CNBP: variants seen among roughly 807,000 people sequenced by gnomAD.
CNBP encodes cellular nucleic acid-binding protein.
A neutral mutation model predicts 21.2 loss-of-function variants in CNBP; 6 were observed. That is an observed-to-expected ratio of 0.28 (90% confidence interval 0.16 to 0.56). The LOEUF is 0.56. Among genes scored for constraint, CNBP ranks in the 20% least tolerant of loss-of-function variants. The pLI is 0.93. For missense variants in CNBP, 112 were observed against 233.1 expected (o/e 0.48, Z 3.38); for synonymous variants, 61 against 74.9 (o/e 0.81, Z 0.96).
rs768953942 is a variant in CNBP at position 129,169,779 on chromosome 3, T to C, written c.*674A>G. On this transcript the variant is annotated 3_prime_UTR_variant, in exon 5 of 5. Transcript: ENST00000422453. ...GCAATTCCTGAATAGCTCCAAATTATGCTAACTCTGAGCATTGATGTTTAC... is the reference window on the plus strand; with the variant it reads ...GCAATTCCTGAATAGCTCCAAATTACGCTAACTCTGAGCATTGATGTTTAC... The C allele has an allele frequency of 4.1e-5, 9 of 221,968 alleles. No individual in the cohort carries two copies. Among genetic ancestry groups the C allele is most frequent in the African/African-American group, 2.0e-4 (9 of 44,696 alleles). The allele number at this position is 221,968 out of a possible 1,614,324, so 13.7% of individuals were successfully genotyped here.
intron 1 of CNBP, among the ~76,000 whole-genome samples, chr3:129,175,795 CTAAGTCT>C (rs1243716053): frequency 6.6e-6 from 1 of 152,174 alleles, no homozygotes; most frequent in Non-Finnish European, 1.5e-5. Flanking sequence ...AAAGAAAACA[CTAAGTCT>C]TAAAAGGGAA....
At position 129,181,649 on chromosome 3, in the gene CNBP, C is replaced by CAAAAAAAAAAAAAAAAAAAAAAAAAA. The variant is rs1367375702; in HGVS notation, c.-15+2126_-15+2127insTTTTTTTTTTTTTTTTTTTTTTTTTT. ...TGGGCGACAGAGTGAGACTCCGTCT[C>CAAAAAAAAAAAAAAAAAAAAAAAAAA]AGAAAAAAAAAAAGAAAAACCCCTG... On this transcript the variant is annotated intron_variant, in intron 1 of 4. Coordinates refer to ENST00000422453, the MANE Select transcript of CNBP (RefSeq NM_003418.5). Among the ~76,000 whole-genome samples, 10 of 72,200 alleles carry CAAAAAAAAAAAAAAAAAAAAAAAAAA rather than the reference C, an allele frequency of 1.4e-4. 4 individuals are homozygous for CAAAAAAAAAAAAAAAAAAAAAAAAAA. The highest frequency in any genetic ancestry group is 5.6e-4 in the African/African-American group (8 of 14,188). 47.4% of individuals were successfully genotyped at this position (72,200 alleles called of 152,430 possible). A position where few individuals can be genotyped will look rare whatever the true frequency, so the allele number is the denominator to read the frequency against.
chr3:129,179,112 TAC>T (rs2107645668), intron 1 of CNBP, among the ~76,000 whole-genome samples: 1 of 151,912 alleles, frequency 6.6e-6, no homozygotes, highest in East Asian at 1.9e-4. Flanking sequence ...ATCCCGTCTC[TAC>T]TAAAAACACA....
intron 4 of CNBP, among the ~76,000 whole-genome samples, chr3:129,170,817 G>GA (rs1374690928): frequency 6.6e-6 from 1 of 152,190 alleles, no homozygotes; most frequent in Non-Finnish European, 1.5e-5. Context: ...GTCTCTGGAA[G>GA]TTTCAAATTA....
In CNBP at chr3:129,168,964, C is replaced by T. The variant is rs1326883733; in HGVS notation, c.*1489G>A. Among the ~76,000 whole-genome samples the T allele has an allele frequency of 6.6e-5, 10 of 150,962 alleles. No individual in the cohort carries two copies. Among genetic ancestry groups the T allele is most frequent in the South Asian group, 2.1e-4 (1 of 4,772 alleles). On this transcript the variant is annotated 3_prime_UTR_variant, in exon 5 of 5. Transcript: ENST00000422453. Reference sequence around the variant, plus strand: ...ACAAAAAAAAAAAATTAGCTGGGCGCGGTGGCGGGTACCTGTAGCCCCAGC... The same window carrying T: ...ACAAAAAAAAAAAATTAGCTGGGCGTGGTGGCGGGTACCTGTAGCCCCAGC...
chr3:129,178,441 C>T (rs1489147859), intron 1 of CNBP, among the ~76,000 whole-genome samples: 1 of 152,052 alleles, frequency 6.6e-6, no homozygotes, highest in Non-Finnish European at 1.5e-5. Context: ...TAACTCTGTC[C>T]TAGAAAATAC....
At chr3:129,182,943 T>A (rs1169394078) in intron 1 of CNBP, among the ~76,000 whole-genome samples, 1 of 1,804 alleles carries the variant, frequency 5.5e-4, no homozygotes, top group Non-Finnish European at 1.5e-3. Context: ...TTTGTTGTTG[T>A]TTGTTTGTTT....
In CNBP at chr3:129,171,860, T is replaced by C. The variant is rs1937575329; in HGVS notation, c.-14-89A>G. 4 of 1,385,046 alleles carry C rather than the reference T, an allele frequency of 2.9e-6. No individual in the cohort carries two copies. The South Asian group carries it at 5.7e-5, about 20-fold the overall frequency. The allele number at this position is 1,385,046 out of a possible 1,614,324, so 85.8% of individuals were successfully genotyped here. On this transcript the variant is annotated intron_variant, in intron 1 of 4. Coordinates refer to ENST00000422453, the MANE Select transcript of CNBP (RefSeq NM_003418.5). ...TAAATGTATTTTTGGAAAATTATTC[T>C]GGGGAAAAAAGCTAGCTAATATATT...
chr3:129,179,068 G>T (rs963921575), intron 1 of CNBP, among the ~76,000 whole-genome samples: 1 of 152,072 alleles, frequency 6.6e-6, no homozygotes, highest in Admixed American at 6.6e-5. Context: ...ACCAAAGGTC[G>T]GGAGCTCAGG....
At chr3:129,177,715 C>T (rs1938009885) in intron 1 of CNBP, among the ~76,000 whole-genome samples, 2 of 152,192 alleles carry the variant, frequency 1.3e-5, no homozygotes, top group African/African-American at 4.8e-5. Context: ...CGGTGATTTC[C>T]AAATCAGTTC....
At chr3:129,172,624 C>CAGG (rs1937610931) in intron 1 of CNBP, among the ~76,000 whole-genome samples, 6 of 56,246 alleles carry the variant, frequency 1.1e-4, no homozygotes, top group Non-Finnish European at 2.4e-4. Context: ...AGACAGGCAG[C>CAGG]CAGGCAGGCA....
Position 129,169,525 on chromosome 3 carries a change from A to G in CNBP, c.*928T>C, listed in dbSNP as rs1937532466. The G allele has an allele frequency of 4.9e-6, 1 of 203,272 alleles. No individual in the cohort carries two copies. Among genetic ancestry groups the G allele is most frequent in the Admixed American group, 6.0e-5 (1 of 16,756 alleles). 12.6% of individuals were successfully genotyped at this position (203,272 alleles called of 1,614,324 possible). On this transcript the variant is annotated 3_prime_UTR_variant, in exon 5 of 5. Transcript: ENST00000422453. ...TCCCCTCTTTAATATGGTATTTTGC[A>G]CTATATACATTAATGAAAATTTGAA...
intron 1 of CNBP, 131 bp from the exon 2 acceptor site, chr3:129,171,902 G>A (rs1937576273): frequency 2.0e-6 from 2 of 1,022,980 alleles, no homozygotes; most frequent in Admixed American, 5.7e-5. Flanking sequence ...AAAAATAGCT[G>A]GGCATGGTGG....
intron 1 of CNBP, among the ~76,000 whole-genome samples, chr3:129,175,980 G>A (rs1292846667): frequency 6.6e-6 from 1 of 152,106 alleles, no homozygotes; most frequent in Admixed American, 6.6e-5. Flanking sequence ...GGTCCCTTGT[G>A]ATAGACTTGT....
intron 1 of CNBP, among the ~76,000 whole-genome samples, chr3:129,176,327 A>G: frequency 6.6e-6 from 1 of 152,136 alleles, no homozygotes; most frequent in East Asian, 1.9e-4. Context: ...GAATCTGACT[A>G]CATCTCCCAG....
chr3:129,176,478 T>A (rs1187287504), intron 1 of CNBP, among the ~76,000 whole-genome samples: 1 of 152,202 alleles, frequency 6.6e-6, no homozygotes, highest in Admixed American at 6.5e-5. Context: ...CCCATATAGT[T>A]ATCCTTTTAG....
intron 1 of CNBP, among the ~76,000 whole-genome samples, chr3:129,182,464 T>C (rs1294708698): frequency 3.3e-5 from 5 of 151,440 alleles, no homozygotes; most frequent in Non-Finnish European, 5.9e-5. Flanking sequence ...GGCCATATGG[T>C]TAACATGTGG....
At chr3:129,183,359 G>A (rs1008825637) in intron 1 of CNBP, among the ~76,000 whole-genome samples, 1 of 152,150 alleles carries the variant, frequency 6.6e-6, no homozygotes, top group Non-Finnish European at 1.5e-5. Flanking sequence ...TTCATCCGCA[G>A]CCGGGAGCCT....
intron 1 of CNBP, among the ~76,000 whole-genome samples, chr3:129,172,434 C>T (rs1369192946): frequency 6.6e-6 from 1 of 151,422 alleles, no homozygotes; most frequent in African/African-American, 2.4e-5. Context: ...ATACAAAAAA[C>T]AGCCGGGCAT....
Sources: gnomAD v4.1 joint callset for allele counts (sites outside exome capture counted in the v4.1 genomes callset) on GRCh38, gnomAD v4.1.1 for gene constraint, MANE v1.5 for transcripts, NCBI Gene and HGNC (gene_info 2026-07-23, HGNC 2026-07-21) for gene names.